AGAP1: variants seen among roughly 807,000 people sequenced by gnomAD.
The protein encoded by AGAP1 is arf-GAP with GTPase, ANK repeat and PH domain-containing protein 1.
AGAP1 carries 29 observed loss-of-function variants against 105.3 expected under a neutral mutation model. The ratio of observed to expected loss-of-function variants is 0.28; its 90% CI spans 0.21 to 0.38. The LOEUF is 0.38. Ranked by LOEUF, AGAP1 falls within the 10% of genes least tolerant of loss-of-function variation. AGAP1 has a pLI of 1.00. For missense variants in AGAP1, 998 were observed against 1,165.1 expected, an observed-to-expected ratio of 0.86 and a Z score of 2.09; for synonymous variants, 509 against 485.9, an observed-to-expected ratio of 1.05 and a Z score of -0.63.
chr2:235,741,102 T>C lies in AGAP1; in HGVS notation c.396+54T>C, dbSNP rs956920805. ...CTTTTTTTCCCTTTGTTTTCTAAGG[T>C]TTGATTCAAGAAGTGCTTCTAGAAA... is the stretch of plus-strand genomic sequence containing the variant. On this transcript the variant is annotated intron_variant, in intron 4 of 17. Coordinates refer to ENST00000304032, the MANE Select transcript of AGAP1 (RefSeq NM_001037131.3). This position sits in a 1 kb window ranked among gnomAD's most constrained non-coding sequence, Gnocchi z 4.9. The C allele has an allele frequency of 1.1e-5, 16 of 1,430,990 alleles. No individual in the cohort carries two copies. In the Admixed American group the frequency reaches 2.7e-4, roughly 24 times the overall value. The allele number at this position is 1,430,990 out of a possible 1,614,324, so 88.6% of individuals were successfully genotyped here.
chr2:235,627,246 G>A (rs2149280423), intron 1 of AGAP1, among the ~76,000 whole-genome samples: 2 of 139,386 alleles, frequency 1.4e-5, no homozygotes, highest in African/African-American at 2.7e-5. Flanking sequence ...AGGCTGGAGT[G>A]CAGTGGCGCG....
intron 9 of AGAP1, among the ~76,000 whole-genome samples, chr2:235,837,860 G>T (rs561439677): frequency 6.6e-6 from 1 of 152,168 alleles, no homozygotes; most frequent in East Asian, 1.9e-4. Context: ...ATAGATAAGG[G>T]AGTACAGGCT....
rs542173819 is a variant in AGAP1, at chr2:236,083,601, A to G, written c.2114+34320A>G. On this transcript the variant is annotated intron_variant, in intron 16 of 17. Transcript: ENST00000304032. This position sits in a 1 kb window ranked among gnomAD's most constrained non-coding sequence, Gnocchi z 5.3. ...ACACCCATGCCTACATTAGAAAGAG[A>G]AGTACCCCAAATTTGGGAGGCTTTC... is the stretch of plus-strand genomic sequence containing the variant. 1.2e-4 allele frequency among the ~76,000 whole-genome samples: 19 copies of G among 152,272 alleles called. No homozygotes were observed. Among genetic ancestry groups the G allele is most frequent in the Admixed American group, 5.2e-4 (8 of 15,298 alleles).
intron 12 of AGAP1, among the ~76,000 whole-genome samples, chr2:235,948,207 G>A (rs921093271): frequency 1.3e-5 from 2 of 152,202 alleles, no homozygotes; most frequent in African/African-American, 4.8e-5. Flanking sequence ...CTTAGAGACA[G>A]GGTCTCACTG....
chr2:235,880,875 GA>G (rs1559600677), intron 9 of AGAP1, among the ~76,000 whole-genome samples: 1 of 152,218 alleles, frequency 6.6e-6, no homozygotes. Flanking sequence ...CGCTGATGGT[GA>G]CTGCCCTTCT....
rs186366248 is a variant in AGAP1 at position 236,012,476 on chromosome 2, G to T, written c.1646-24085G>T. On this transcript the variant is annotated intron_variant, in intron 13 of 17. Transcript: ENST00000304032. This position sits in a 1 kb window ranked among gnomAD's most constrained non-coding sequence, Gnocchi z 4.9. The stretch of plus-strand genomic sequence containing the variant: ...TGCCTAATTCTGCATCATCATGCCT[G>T]GGGCCCCTGGTACATACCCATCAAG... Among the ~76,000 whole-genome samples, 1 of 152,184 alleles carries T rather than the reference G, an allele frequency of 6.6e-6. No homozygotes were observed. The highest frequency in any genetic ancestry group is 1.9e-4 in the East Asian group (1 of 5,158).
intron 13 of AGAP1, among the ~76,000 whole-genome samples, 165 bp downstream of exon 13, chr2:235,968,788 CTT>C (rs959981783): frequency 3.3e-5 from 5 of 152,160 alleles, no homozygotes; most frequent in Non-Finnish European, 7.3e-5. Flanking sequence ...CCCTTGGGAC[CTT>C]TTCATCACTG....
chr2:235,674,274 G>T (rs962847925), intron 1 of AGAP1, among the ~76,000 whole-genome samples: 1 of 152,196 alleles, frequency 6.6e-6, no homozygotes, highest in East Asian at 1.9e-4. Flanking sequence ...CAGATCAAGG[G>T]CAGTTTCGTG....
In AGAP1 at chr2:235,905,360, G is replaced by A. The variant is rs1047198131; in HGVS notation, c.1156-3378G>A. 1.3e-5 allele frequency among the ~76,000 whole-genome samples: 2 copies of A among 152,168 alleles called. No homozygotes were observed. Among genetic ancestry groups the A allele is most frequent in the African/African-American group, 4.8e-5 (2 of 41,446 alleles). On this transcript the variant is annotated intron_variant, in intron 10 of 17. Transcript: ENST00000304032. This position sits in a 1 kb window ranked among gnomAD's most constrained non-coding sequence, Gnocchi z 4.2. ...GCAAGAAGGAATTCATTATTTACAA[G>A]CATTAACTTTGGTTTGGAAAGTTGG... is the stretch of plus-strand genomic sequence containing the variant.
Position 235,807,243 on chromosome 2 carries a change from G to A in AGAP1, c.962G>A (p.Arg321Gln), listed in dbSNP as rs748531918. The A allele has an allele frequency of 3.7e-5, 59 of 1,610,522 alleles. No homozygotes were observed. The highest frequency in any genetic ancestry group is 4.6e-5 in the Non-Finnish European group (54 of 1,179,166). ...SKRRSNLFTSRKGSDPDKEKK... is the reference protein window; with the variant it reads ...SKRRSNLFTSQKGSDPDKEKK... The stretch of plus-strand genomic sequence containing the variant: ...AACTTTCCTTTTGCTTTGCAGTCTC[G>A]GAAAGGGAGCGACCCAGACAAAGAG... Residue 321 changes from arginine (R) to glutamine (Q), a missense_variant, in exon 9 of 18, where the codon CGG (arginine) becomes CAG (glutamine). Physicochemically the swap from Arg to Gln is conservative, Grantham distance 43. Around this residue, in one of 3 missense-constraint regions of AGAP1, gnomAD observed 735 missense variants for 833.4 expected, o/e 0.88. Transcript: ENST00000304032.
chr2:235,641,377 G>A (rs143447774), intron 1 of AGAP1, among the ~76,000 whole-genome samples: 2 of 141,370 alleles, frequency 1.4e-5, no homozygotes, highest in African/African-American at 2.6e-5. Flanking sequence ...TAAGTGTCCT[G>A]GTTGTGTTAG....
intron 1 of AGAP1, among the ~76,000 whole-genome samples, chr2:235,685,261 G>A (rs1949318954): frequency 6.6e-6 from 1 of 152,006 alleles, no homozygotes; most frequent in Non-Finnish European, 1.5e-5. Flanking sequence ...GTGCCCTGGT[G>A]TGTGGGTTCC....
rs112666282 is a variant in AGAP1 at position 235,750,466 on chromosome 2, T to C, written c.651T>C (p.Asn217=). Residue 217 remains asparagine (N), a synonymous_variant, in exon 6 of 18, where the codon AAT becomes AAC. Coordinates refer to ENST00000304032, the MANE Select transcript of AGAP1 (RefSeq NM_001037131.3). This position sits in a 1 kb window ranked among gnomAD's most constrained non-coding sequence, Gnocchi z 5.3. The stretch of plus-strand genomic sequence containing the variant: ...AGACGTGTGCTACATACGGGCTGAA[T>C]GTGGAGAGGGTCTTCCAGGACGGTA... ...YYETCATYGL[N]VERVFQDVAQ... is the part of the protein sequence containing the mutation. 10,499 of 1,614,160 alleles carry C rather than the reference T, an allele frequency of 6.5e-3. 301 individuals carry two copies. The African/African-American group carries it at 0.069, about 11-fold the overall frequency.
At chr2:235,749,963 C>G (rs1378528710) in intron 5 of AGAP1, among the ~76,000 whole-genome samples, 1 of 152,196 alleles carries the variant, frequency 6.6e-6, no homozygotes, top group Non-Finnish European at 1.5e-5. Flanking sequence ...GTGACCACAC[C>G]TAGAAGAAGA....
At position 235,961,094 on chromosome 2, in the gene AGAP1, A is replaced by AT. The variant is rs138812637; in HGVS notation, c.1484-7367dup. Among the ~76,000 whole-genome samples the AT allele has an allele frequency of 0.033, 5,020 of 152,304 alleles. 109 individuals carry two copies. Among genetic ancestry groups the AT allele is most frequent in the Middle Eastern group, 0.078 (23 of 294 alleles). On this transcript the variant is annotated intron_variant, in intron 12 of 17. Transcript: ENST00000304032. This position sits in a 1 kb window ranked among gnomAD's most constrained non-coding sequence, Gnocchi z 5.9. Reference sequence around the variant, plus strand: ...GGAAGGATGTGTGCTGGTGAAGAGGATGAGCGAAGGCCTGCCTTCCTGAAG... The same window carrying AT: ...GGAAGGATGTGTGCTGGTGAAGAGGATTGAGCGAAGGCCTGCCTTCCTGAAG...
chr2:236,036,828 A>G lies in AGAP1; in HGVS notation c.1800+113A>G. On this transcript the variant is annotated intron_variant, in intron 14 of 17. Transcript: ENST00000304032. The surrounding 1 kb of genome is among the most constrained non-coding windows in gnomAD (Gnocchi z 5.7). The stretch of plus-strand genomic sequence containing the variant: ...AGGACCAGTGTGAATGACAGGACCT[A>G]GCTATTCTTTATGAGCAGAAAGCTC... 3 of 1,462,024 alleles carry G rather than the reference A, an allele frequency of 2.1e-6. No homozygotes were observed. Among genetic ancestry groups the G allele is most frequent in the Non-Finnish European group, 2.7e-6 (3 of 1,097,090 alleles). 90.6% of individuals were successfully genotyped at this position (1,462,024 alleles called of 1,614,324 possible).
intron 9 of AGAP1, among the ~76,000 whole-genome samples, chr2:235,815,752 G>A (rs1227135483): frequency 6.6e-6 from 1 of 152,200 alleles, no homozygotes; most frequent in Non-Finnish European, 1.5e-5. Flanking sequence ...CTCCGACTTG[G>A]GGGTTTCCAT....
chr2:235,680,621 A>T (rs2149395825), intron 1 of AGAP1, among the ~76,000 whole-genome samples: 1 of 151,958 alleles, frequency 6.6e-6, no homozygotes, highest in Non-Finnish European at 1.5e-5. Context: ...AGTGACATCC[A>T]TTTTGACTGG....
rs558897550 is a variant in AGAP1, at chr2:236,008,381, G to C, written c.1646-28180G>C. The stretch of plus-strand genomic sequence containing the variant: ...TGAACAGGTACTCCGTGAAAACAGG[G>C]AGAGAAATTTCTGTTTTTCACCGAT... On this transcript the variant is annotated intron_variant, in intron 13 of 17. Transcript: ENST00000304032. Among the ~76,000 whole-genome samples the C allele has an allele frequency of 3.9e-5, 6 of 152,312 alleles. No individual in the cohort carries two copies. In the South Asian group the frequency reaches 1.0e-3, roughly 26 times the overall value.
Sources: allele counts gnomAD v4.1 joint callset (sites outside exome capture counted in the v4.1 genomes callset), GRCh38; gene constraint gnomAD v4.1.1; regional missense constraint gnomAD v4.1.1; non-coding constraint Gnocchi (gnomAD v3.1); transcripts MANE v1.5; gene names NCBI Gene and HGNC (gene_info 2026-07-23, HGNC 2026-07-21).